The following CCSER1 variants were observed in gnomAD, a reference collection of about 807,000 sequenced individuals.
The protein encoded by CCSER1 is serine-rich coiled-coil domain-containing protein 1.
In CCSER1, 41 loss-of-function variants were observed where a neutral mutation model predicts 82.0. The ratio of observed to expected loss-of-function variants is 0.50; its 90% CI spans 0.39 to 0.65. The LOEUF (loss-of-function observed/expected upper bound fraction) is 0.65. Ranked by LOEUF, CCSER1 falls within the 30% of genes least tolerant of loss-of-function variation. The pLI is 0.00. For synonymous variants in CCSER1, 414 were observed against 383.9 expected, an observed-to-expected ratio of 1.08 and a Z score of -0.92; for missense variants, 1,119 against 1,064.2, an observed-to-expected ratio of 1.05 and a Z score of -0.72.
chr4:90,492,964 C>T (rs1048131189), intron 5 of CCSER1, among the ~76,000 whole-genome samples: 9 of 151,944 alleles, frequency 5.9e-5, no homozygotes, highest in Non-Finnish European at 1.2e-4. Context: ...TCAAACTTCT[C>T]CGAGCTAAAG....
chr4:90,870,942 A>G lies in CCSER1; in HGVS notation c.2095-52428A>G, dbSNP rs1197701810. Reference sequence around the variant, plus strand: ...TTTGGGTTGAATATCCTCAAAATATATTTATTTTTTCTATTTTTTCCTTTT... The same window carrying G: ...TTTGGGTTGAATATCCTCAAAATATGTTTATTTTTTCTATTTTTTCCTTTT... On this transcript the variant is annotated intron_variant, in intron 8 of 10. Transcript: ENST00000509176. Among the ~76,000 whole-genome samples, 3 of 147,266 alleles carry G rather than the reference A, an allele frequency of 2.0e-5. No homozygotes were observed. The South Asian group carries it at 6.4e-4, about 31-fold the overall frequency.
In CCSER1 at chr4:90,154,760, C is replaced by G. The variant is rs528540054; in HGVS notation, c.-42+26929C>G. On this transcript the variant is annotated intron_variant, in intron 1 of 10. Coordinates refer to ENST00000509176, the MANE Select transcript of CCSER1 (RefSeq NM_001145065.2). ...CTGAGACTTTGCTGAAGTTGCTTATCAGCTTAAGGAGATTTTGGGCTGAGA... is the reference window on the plus strand; with the variant it reads ...CTGAGACTTTGCTGAAGTTGCTTATGAGCTTAAGGAGATTTTGGGCTGAGA... Among the ~76,000 whole-genome samples the G allele has an allele frequency of 1.6e-4, 24 of 148,084 alleles. 1 individual carries two copies. In the South Asian group the frequency reaches 5.3e-3, roughly 32 times the overall value.
intron 9 of CCSER1, among the ~76,000 whole-genome samples, chr4:91,016,426 A>G (rs781342717): frequency 6.6e-6 from 1 of 152,072 alleles, no homozygotes; most frequent in Non-Finnish European, 1.5e-5. Flanking sequence ...GACTTCAGAC[A>G]TATGTTTTAA....
intron 4 of CCSER1, among the ~76,000 whole-genome samples, chr4:90,458,634 C>T (rs867754906): frequency 2.6e-5 from 4 of 152,284 alleles, no homozygotes; most frequent in Non-Finnish European, 4.4e-5. Flanking sequence ...GGATTAAAGG[C>T]GTGAGCCACC....
At chr4:91,138,740 GA>G (rs529698483) in intron 10 of CCSER1, among the ~76,000 whole-genome samples, 1 of 141,562 alleles carries the variant, frequency 7.1e-6, no homozygotes, top group Non-Finnish European at 1.5e-5. Context: ...AAATTTACAA[GA>G]AAAAAACAAA....
At chr4:91,087,275 A>G (rs899364841) in intron 10 of CCSER1, among the ~76,000 whole-genome samples, 14 of 152,098 alleles carry the variant, frequency 9.2e-5, no homozygotes, top group African/African-American at 3.4e-4. Context: ...TCCTGGTCTA[A>G]TAGCAACTTT....
At chr4:91,081,257 T>G (rs140724196) in intron 9 of CCSER1, among the ~76,000 whole-genome samples, 157 of 152,136 alleles carry the variant, frequency 1.0e-3, no homozygotes, top group African/African-American at 3.6e-3. Flanking sequence ...GTTCAACATA[T>G]GCAAATCGAT....
chr4:90,784,816 A>G (rs1413070835), intron 7 of CCSER1, among the ~76,000 whole-genome samples: 1 of 152,230 alleles, frequency 6.6e-6, no homozygotes, highest in Non-Finnish European at 1.5e-5. Context: ...TATTTTGTTT[A>G]TGTATTATAT....
intron 10 of CCSER1, among the ~76,000 whole-genome samples, chr4:91,588,758 G>A (rs760561064): frequency 6.6e-6 from 1 of 151,676 alleles, no homozygotes; most frequent in Non-Finnish European, 1.5e-5. Flanking sequence ...CCTTGTGTAT[G>A]TCCCCTGAAT....
chr4:91,181,172 T>G (rs1733996267), intron 10 of CCSER1, among the ~76,000 whole-genome samples: 1 of 151,978 alleles, frequency 6.6e-6, no homozygotes, highest in Non-Finnish European at 1.5e-5. Context: ...TATGGCCAGA[T>G]TTTGGGGGGC....
At chr4:91,202,594 A>G (rs746007501) in intron 10 of CCSER1, among the ~76,000 whole-genome samples, 2 of 152,010 alleles carry the variant, frequency 1.3e-5, no homozygotes, top group African/African-American at 2.4e-5. Context: ...GTTGTTAAAG[A>G]ATATCTTAAA....
chr4:91,217,490 A>G (rs1010068081), intron 10 of CCSER1, among the ~76,000 whole-genome samples: 7 of 152,154 alleles, frequency 4.6e-5, no homozygotes, highest in Non-Finnish European at 1.0e-4. Flanking sequence ...ACAAACCTTG[A>G]GCTAAACACA....
At chr4:91,309,748 T>C (rs1024487073) in intron 10 of CCSER1, among the ~76,000 whole-genome samples, 31 of 151,960 alleles carry the variant, frequency 2.0e-4, no homozygotes, top group African/African-American at 6.3e-4. Flanking sequence ...TATATAGGAA[T>C]ATATAAGAAT....
Position 91,601,759 on chromosome 4 carries a change from A to T in CCSER1, c.*2702A>T, listed in dbSNP as rs1404252535. ...TGCATGTGTATGTGTAGCTAAGCCT[A>T]AATAACCCTGTAAAATTTCTGCTGC... On this transcript the variant is annotated 3_prime_UTR_variant, in exon 11 of 11. Coordinates refer to ENST00000509176, the MANE Select transcript of CCSER1 (RefSeq NM_001145065.2). 6.6e-6 allele frequency: 1 copy of T among 152,066 alleles called. No individual in the cohort carries two copies. Among genetic ancestry groups the T allele is most frequent in the Non-Finnish European group, 1.5e-5 (1 of 67,946 alleles). 9.4% of individuals were successfully genotyped at this position (152,066 alleles called of 1,614,324 possible).
intron 6 of CCSER1, among the ~76,000 whole-genome samples, chr4:90,658,081 G>A (rs1730045150): frequency 1.3e-5 from 2 of 152,134 alleles, no homozygotes; most frequent in African/African-American, 2.4e-5. Flanking sequence ...TCCAGCTTGG[G>A]TGACAGAGTG....
chr4:90,262,924 C>T (rs540314113), intron 1 of CCSER1, among the ~76,000 whole-genome samples: 35 of 152,206 alleles, frequency 2.3e-4, no homozygotes, highest in African/African-American at 7.9e-4. Context: ...ACATAATCAC[C>T]CTGAAATGTT....
At chr4:91,206,582 G>C (rs1418127563) in intron 10 of CCSER1, among the ~76,000 whole-genome samples, 1 of 151,860 alleles carries the variant, frequency 6.6e-6, no homozygotes, top group Non-Finnish European at 1.5e-5. Flanking sequence ...AATTCTAATA[G>C]TAAAACAGTG....
chr4:90,360,021 C>T (rs1324119007), intron 3 of CCSER1, among the ~76,000 whole-genome samples: 1 of 148,472 alleles, frequency 6.7e-6, no homozygotes, highest in Non-Finnish European at 1.5e-5. Flanking sequence ...CAGGTTAAAG[C>T]GATTCCCTGC....
intron 10 of CCSER1, among the ~76,000 whole-genome samples, chr4:91,553,155 TATATG>T (rs1762240973): frequency 6.6e-6 from 1 of 151,632 alleles, no homozygotes; most frequent in Non-Finnish European, 1.5e-5. Flanking sequence ...TTGAGATGAT[TATATG>T]ATTTCTATTC....
Sources: gnomAD v4.1 joint callset for allele counts (sites outside exome capture counted in the v4.1 genomes callset) on GRCh38, gnomAD v4.1.1 for gene constraint, MANE v1.5 for transcripts, NCBI Gene and HGNC (gene_info 2026-07-23, HGNC 2026-07-21) for gene names.